The following GRIN3A variants were observed in gnomAD, a reference collection of about 807,000 sequenced individuals.
GRIN3A encodes glutamate receptor ionotropic, NMDA 3A.
A neutral mutation model predicts 92.4 loss-of-function variants in GRIN3A; 47 were observed. That is an observed-to-expected ratio of 0.51 (90% CI 0.40 to 0.65). The LOEUF (loss-of-function observed/expected upper bound fraction) is 0.65, where lower values mean the gene tolerates loss of function less well. GRIN3A is among the 30% of genes least tolerant of loss of function. GRIN3A has a pLI of 0.00. For synonymous variants in GRIN3A, 527 were observed against 540.6 expected, an observed-to-expected ratio of 0.97 and a Z score of 0.35; for missense variants, 1,324 against 1,393.1, an observed-to-expected ratio of 0.95 and a Z score of 0.79.
At chr9:101,697,678 C>T (rs1039009834) in intron 1 of GRIN3A, among the ~76,000 whole-genome samples, 2 of 152,080 alleles carry the variant, frequency 1.3e-5, no homozygotes, top group Non-Finnish European at 2.9e-5. Flanking sequence ...CACCAGAAAC[C>T]AATTAGTGCA....
chr9:101,704,397 A>G (rs992447539), intron 1 of GRIN3A, among the ~76,000 whole-genome samples: 2 of 152,228 alleles, frequency 1.3e-5, no homozygotes, highest in Non-Finnish European at 2.9e-5. Flanking sequence ...TTGTTCTGAA[A>G]ATATGCATTG....
rs561316793 is a variant in GRIN3A at position 101,619,272 on chromosome 9, T to A, written c.2614+4046A>T. Among the ~76,000 whole-genome samples the A allele has an allele frequency of 2.0e-5, 3 of 152,308 alleles. No homozygotes were observed. In the South Asian group the frequency reaches 6.2e-4, roughly 32 times the overall value. On this transcript the variant is annotated intron_variant, in intron 5 of 8. Transcript: ENST00000361820. ...AATACCATATTTAGCTACTCTGGGA[T>A]AATGGTTGAGAACATATTGTAATGG...
chr9:101,609,100 G>C (rs569730667), intron 6 of GRIN3A, among the ~76,000 whole-genome samples: 1 of 152,230 alleles, frequency 6.6e-6, no homozygotes, highest in Non-Finnish European at 1.5e-5. Context: ...ATTTGACCCT[G>C]TGTTTCAAGG....
At chr9:101,576,353 G>A (rs996053159) in intron 8 of GRIN3A, among the ~76,000 whole-genome samples, 12 of 152,136 alleles carry the variant, frequency 7.9e-5, no homozygotes, top group Non-Finnish European at 1.8e-4. Flanking sequence ...TATAGAGGTA[G>A]GCACAGGAAA....
At chr9:101,703,604 C>T (rs972906876) in intron 1 of GRIN3A, among the ~76,000 whole-genome samples, 3 of 152,178 alleles carry the variant, frequency 2.0e-5, no homozygotes, top group Non-Finnish European at 4.4e-5. Context: ...ACATTTGTTC[C>T]TCACTATAAT....
At chr9:101,632,370 C>T (rs960012881) in intron 3 of GRIN3A, among the ~76,000 whole-genome samples, 9 of 152,164 alleles carry the variant, frequency 5.9e-5, no homozygotes, top group African/African-American at 1.9e-4. Flanking sequence ...CCATAGTGAT[C>T]TCATTCATGT....
intron 6 of GRIN3A, chr9:101,594,325 G>T: frequency 3.4e-6 from 5 of 1,485,696 alleles, no homozygotes; most frequent in Non-Finnish European, 4.5e-6. Flanking sequence ...ATAAGTCAGA[G>T]AGACAGTTGG....
Position 101,670,852 on chromosome 9 carries a change from C to T in GRIN3A, c.1560G>A (p.Leu520=). Residue 520 remains leucine, a synonymous_variant, in exon 3 of 9, where the codon CTG becomes CTA. Coordinates refer to ENST00000361820, the MANE Select transcript of GRIN3A (RefSeq NM_133445.3). The part of the protein sequence containing the change: ...PSKLHLRVVT[L]IEHPFVFTRE... ...TTGTGAAGACAAAAGGATGCTCAAT[C>T]AGGGTAACCACTCTCAAGTGTAGCT... The T allele has an allele frequency of 6.2e-7, 1 of 1,613,776 alleles. No individual in the cohort carries two copies. Among genetic ancestry groups the T allele is most frequent in the Non-Finnish European group, 8.5e-7 (1 of 1,179,804 alleles).
chr9:101,573,556 C>T (rs748949303), intron 8 of GRIN3A, 43 bp from the exon 9 acceptor site: 17 of 1,459,230 alleles, frequency 1.2e-5, no homozygotes, highest in South Asian at 3.4e-5. Flanking sequence ...CATTCTGCAG[C>T]TCTCAAGGTG....
chr9:101,672,668 T>C (rs1424476833), intron 2 of GRIN3A, among the ~76,000 whole-genome samples: 1 of 152,146 alleles, frequency 6.6e-6, no homozygotes, highest in Non-Finnish European at 1.5e-5. Flanking sequence ...AAGTGTGAAG[T>C]ACGTACTAAT....
At chr9:101,683,847 T>TGAGAGAGAGAGAGAGA (rs55960998) in intron 2 of GRIN3A, among the ~76,000 whole-genome samples, 2 of 136,296 alleles carry the variant, frequency 1.5e-5, no homozygotes, top group South Asian at 4.6e-4. Context: ...AGAGAGACAG[T>TGAGAGAGAGAGAGAGA]GAGAGAGAGA....
chr9:101,615,105 C>T (rs1588249357), intron 5 of GRIN3A, among the ~76,000 whole-genome samples: 2 of 151,468 alleles, frequency 1.3e-5, no homozygotes, highest in South Asian at 4.2e-4. Context: ...ACTTGCTTTC[C>T]AAAATGTTAC....
At chr9:101,574,247 C>T (rs1214113655) in intron 8 of GRIN3A, among the ~76,000 whole-genome samples, 1 of 152,190 alleles carries the variant, frequency 6.6e-6, no homozygotes, top group Non-Finnish European at 1.5e-5. Context: ...CTATAGACAG[C>T]ATGAGAATTA....
At chr9:101,712,037 G>A (rs1829885546) in intron 1 of GRIN3A, among the ~76,000 whole-genome samples, 1 of 152,006 alleles carries the variant, frequency 6.6e-6, no homozygotes, top group South Asian at 2.1e-4. Flanking sequence ...AGCTTTATGG[G>A]GCTACCCCTC....
At chr9:101,637,164 C>T (rs887996175) in intron 3 of GRIN3A, among the ~76,000 whole-genome samples, 16 of 152,158 alleles carry the variant, frequency 1.1e-4, no homozygotes, top group South Asian at 6.2e-4. Context: ...GCCATCTCGG[C>T]TCACTGCAAG....
chr9:101,594,796 C>G (rs1828092942), intron 6 of GRIN3A: 1 of 1,613,132 alleles, frequency 6.2e-7, no homozygotes, highest in South Asian at 1.1e-5. Flanking sequence ...GGGACATGAA[C>G]TCCTCCACGC....
At chr9:101,618,086 T>C (rs1828491422) in intron 5 of GRIN3A, among the ~76,000 whole-genome samples, 1 of 151,956 alleles carries the variant, frequency 6.6e-6, no homozygotes, top group Non-Finnish European at 1.5e-5. Flanking sequence ...ATAAAAACCC[T>C]AGAAGAAAAC....
In GRIN3A at chr9:101,682,346, G is replaced by A. The variant is rs1292480869; in HGVS notation, c.1304+4250C>T. ...AGTGTAAAAGTGTTCCTATTTCTCC[G>A]CATCCTCTCCAGCACCTGTTGTTTC... On this transcript the variant is annotated intron_variant, in intron 2 of 8. Transcript: ENST00000361820. Among the ~76,000 whole-genome samples the A allele has an allele frequency of 1.7e-3, 8 of 4,602 alleles. 3 individuals carry two copies. The highest frequency in any genetic ancestry group is 3.6e-3 in the African/African-American group (5 of 1,386). 3.0% of individuals were successfully genotyped at this position (4,602 alleles called of 152,430 possible).
intron 3 of GRIN3A, among the ~76,000 whole-genome samples, chr9:101,653,506 C>G (rs995159376): frequency 4.0e-5 from 6 of 151,788 alleles, no homozygotes; most frequent in Admixed American, 6.6e-5. Context: ...TTCAAAAATC[C>G]TATCATTTTT....
Sources: allele counts gnomAD v4.1 joint callset (sites outside exome capture counted in the v4.1 genomes callset), GRCh38; gene constraint gnomAD v4.1.1; transcripts MANE v1.5; gene names NCBI Gene and HGNC (gene_info 2026-07-23, HGNC 2026-07-21).